Variants in PTPRD observed in about 807,000 individuals in gnomAD.
PTPRD encodes protein tyrosine phosphatase receptor type D, also known as receptor-type tyrosine-protein phosphatase delta.
Under a neutral mutation model 214.5 loss-of-function variants are expected in PTPRD, and 34 were observed. The ratio of observed to expected loss-of-function variants is 0.16; its 90% CI spans 0.12 to 0.21. The LOEUF is 0.21. Ranked by LOEUF, PTPRD falls within the 10% of genes least tolerant of loss-of-function variation. The pLI is 1.00. For missense variants in PTPRD, 2,545 were observed against 2,398.7 expected (o/e 1.06, Z -1.27); for synonymous variants, 1,128 against 845.7 (o/e 1.33, Z -5.79).
chr9:8,707,060 G>C (rs1352010480), intron 12 of PTPRD, among the ~76,000 whole-genome samples: 1 of 152,152 alleles, frequency 6.6e-6, no homozygotes, highest in African/African-American at 2.4e-5. Context: ...TAATTACCTA[G>C]ACTAATTAAG....
chr9:8,585,323 T>C lies in PTPRD; in HGVS notation c.352+47994A>G, dbSNP rs142051675. 3.9e-5 allele frequency among the ~76,000 whole-genome samples: 6 copies of C among 152,230 alleles called. No homozygotes were observed. The East Asian group carries it at 5.8e-4, about 15-fold the overall frequency. On this transcript the variant is annotated intron_variant, in intron 14 of 45. Transcript: ENST00000381196. Reference sequence around the variant, plus strand: ...TTAACTTTATAAAAAGAACAGGAAATTGTGAGGCTCTGCAGTCTCCTGGGT... The same window carrying C: ...TTAACTTTATAAAAAGAACAGGAAACTGTGAGGCTCTGCAGTCTCCTGGGT...
Position 9,482,275 on chromosome 9 carries a change from A to G in PTPRD, c.-236-84793T>C, listed in dbSNP as rs545242981. ...GAGAAAAAAGTAAGTAAACCAGTTCAGTGAAATGACTTAAAGTATAACACT... is the reference window on the plus strand; with the variant it reads ...GAGAAAAAAGTAAGTAAACCAGTTCGGTGAAATGACTTAAAGTATAACACT... On this transcript the variant is annotated intron_variant, in intron 8 of 45. Coordinates refer to ENST00000381196, the MANE Select transcript of PTPRD (RefSeq NM_002839.4). Among the ~76,000 whole-genome samples the G allele has an allele frequency of 4.6e-5, 7 of 152,330 alleles. No individual in the cohort carries two copies. The South Asian group carries it at 1.4e-3, about 32-fold the overall frequency.
intron 8 of PTPRD, among the ~76,000 whole-genome samples, chr9:9,550,111 A>G (rs1028402529): frequency 2.6e-5 from 4 of 151,978 alleles, no homozygotes; most frequent in Admixed American, 1.3e-4. Context: ...CCCCCATAAC[A>G]TGAATGGAAT....
intron 8 of PTPRD, among the ~76,000 whole-genome samples, chr9:9,449,437 T>G (rs1483402755): frequency 6.6e-6 from 1 of 152,026 alleles, no homozygotes; most frequent in African/African-American, 2.4e-5. Context: ...CTACCAGTAG[T>G]GAATTGTAAT....
chr9:10,391,527 T>C (rs562841596), intron 2 of PTPRD, among the ~76,000 whole-genome samples: 3 of 151,936 alleles, frequency 2.0e-5, no homozygotes, highest in African/African-American at 7.2e-5. Context: ...ATTTTTCTTA[T>C]AGTTAAGACA....
chr9:9,259,922 C>T (rs1162766264), intron 9 of PTPRD, among the ~76,000 whole-genome samples: 1 of 151,740 alleles, frequency 6.6e-6, no homozygotes, highest in Non-Finnish European at 1.5e-5. Context: ...TAAGGAAAGC[C>T]GGCATCAACC....
chr9:8,933,473 AG>A (rs1229106891), intron 11 of PTPRD, among the ~76,000 whole-genome samples: 8 of 151,136 alleles, frequency 5.3e-5, no homozygotes, highest in African/African-American at 1.9e-4. Flanking sequence ...AGCTTACATG[AG>A]TACATTTTAT....
intron 5 of PTPRD, among the ~76,000 whole-genome samples, chr9:9,795,906 T>A (rs1041153792): frequency 6.6e-6 from 1 of 152,136 alleles, no homozygotes; most frequent in African/African-American, 2.4e-5. Context: ...AAAAAGTACA[T>A]TTCTAGTCTC....
At chr9:10,364,162 G>C (rs943011727) in intron 2 of PTPRD, among the ~76,000 whole-genome samples, 5 of 151,546 alleles carry the variant, frequency 3.3e-5, no homozygotes, top group African/African-American at 1.2e-4. Flanking sequence ...ACCATGCCCG[G>C]ATAATTTTTT....
intron 11 of PTPRD, among the ~76,000 whole-genome samples, chr9:8,995,844 C>T (rs2099394536): frequency 1.3e-5 from 2 of 152,132 alleles, no homozygotes; most frequent in South Asian, 2.1e-4. Context: ...AGCTGAGGGG[C>T]AAACTGACAC....
intron 8 of PTPRD, 49 bp from the exon 9 acceptor site, chr9:9,397,531 A>C (rs183368168): frequency 1.3e-5 from 2 of 152,536 alleles, no homozygotes; most frequent in Admixed American, 6.6e-5. Flanking sequence ...AAAACTACCA[A>C]AACCTTTCAA....
At chr9:9,832,469 G>T (rs141184643) in intron 5 of PTPRD, among the ~76,000 whole-genome samples, 2 of 151,924 alleles carry the variant, frequency 1.3e-5, no homozygotes, top group Admixed American at 1.3e-4. Context: ...CATGTTAACA[G>T]AACTCTAATT....
At chr9:9,884,787 C>T (rs987618211) in intron 5 of PTPRD, among the ~76,000 whole-genome samples, 1 of 152,122 alleles carries the variant, frequency 6.6e-6, no homozygotes, top group Non-Finnish European at 1.5e-5. Context: ...GGGCTTTTCC[C>T]CACTTGCTTG....
intron 2 of PTPRD, among the ~76,000 whole-genome samples, chr9:10,409,529 C>A (rs998756373): frequency 7.9e-5 from 12 of 151,734 alleles, no homozygotes; most frequent in African/African-American, 2.7e-4. Context: ...TAAACTCTTA[C>A]TCACTTTTAA....
chr9:8,437,344 C>T (rs1318353337), intron 34 of PTPRD: 2 of 908,164 alleles, frequency 2.2e-6, no homozygotes, highest in Admixed American at 2.7e-5. Context: ...AATTAAAATG[C>T]TGCAAGTTTT....
At chr9:9,151,314 T>A (rs2099876551) in intron 10 of PTPRD, among the ~76,000 whole-genome samples, 1 of 152,158 alleles carries the variant, frequency 6.6e-6, no homozygotes, top group Admixed American at 6.6e-5. Flanking sequence ...ATATTGCACA[T>A]CCTTTAGCTT....
chr9:8,343,430 C>T (rs1197005548), intron 39 of PTPRD, among the ~76,000 whole-genome samples: 1 of 152,036 alleles, frequency 6.6e-6, no homozygotes, highest in African/African-American at 2.4e-5. Context: ...AATGATAGCA[C>T]ATACCTTAGC....
chr9:8,576,723 A>G (rs369027331), intron 14 of PTPRD, among the ~76,000 whole-genome samples: 10 of 151,956 alleles, frequency 6.6e-5, no homozygotes, highest in African/African-American at 2.4e-4. Flanking sequence ...GCAAAATTCA[A>G]CAGAGCCAAA....
chr9:9,343,428 G>T (rs1416075789), intron 9 of PTPRD, among the ~76,000 whole-genome samples: 1 of 152,128 alleles, frequency 6.6e-6, no homozygotes, highest in East Asian at 1.9e-4. Flanking sequence ...TAACTGGTGT[G>T]AGTGGTATCT....
Sources: gnomAD v4.1 joint callset for allele counts (sites outside exome capture counted in the v4.1 genomes callset) on GRCh38, gnomAD v4.1.1 for gene constraint, MANE v1.5 for transcripts, NCBI Gene and HGNC (gene_info 2026-07-23, HGNC 2026-07-21) for gene names.